LPP: variants seen among roughly 807,000 people sequenced by gnomAD.
LPP encodes lipoma-preferred partner.
Under a neutral mutation model 60.4 loss-of-function variants are expected in LPP, and 38 were observed. The observed-to-expected ratio is 0.63, with a 90% confidence interval of 0.49 to 0.83. The LOEUF is 0.83. Ranked by LOEUF, LPP falls within the 40% of genes least tolerant of loss-of-function variation. LPP has a pLI of 0.00. For synonymous variants in LPP, 328 were observed against 290.8 expected, an observed-to-expected ratio of 1.13 and a Z score of -1.30; for missense variants, 902 against 783.6, an observed-to-expected ratio of 1.15 and a Z score of -1.80.
At chr3:188,163,865 C>T (rs770506725) in intron 1 of LPP, among the ~76,000 whole-genome samples, 9 of 150,610 alleles carry the variant, frequency 6.0e-5, no homozygotes, top group Non-Finnish European at 1.2e-4. Context: ...GCAGGAGAAT[C>T]GCTTGAACCC....
At chr3:188,825,724 C>G (rs1480668348) in intron 9 of LPP, among the ~76,000 whole-genome samples, 1 of 151,994 alleles carries the variant, frequency 6.6e-6, no homozygotes, top group Non-Finnish European at 1.5e-5. Context: ...AAAAGACATA[C>G]ACACACACAT....
At chr3:188,559,433 T>A (rs1830188135) in intron 6 of LPP, among the ~76,000 whole-genome samples, 1 of 152,098 alleles carries the variant, frequency 6.6e-6, no homozygotes, top group African/African-American at 2.4e-5. Context: ...ACTTTGCACA[T>A]TATGATAAGG....
At chr3:188,434,522 G>A (rs1226290221) in intron 4 of LPP, among the ~76,000 whole-genome samples, 1 of 152,134 alleles carries the variant, frequency 6.6e-6, no homozygotes, top group East Asian at 1.9e-4. Flanking sequence ...TTCAGTCTTG[G>A]TGAAGAGTCT....
intron 9 of LPP, among the ~76,000 whole-genome samples, chr3:188,790,424 C>A (rs1026794484): frequency 5.3e-5 from 8 of 151,920 alleles, no homozygotes; most frequent in Non-Finnish European, 1.2e-4. Context: ...ATTACCCAAT[C>A]TTTTAGTGAT....
intron 5 of LPP, among the ~76,000 whole-genome samples, chr3:188,506,325 A>C (rs1470480079): frequency 1.3e-5 from 2 of 152,204 alleles, no homozygotes; most frequent in Non-Finnish European, 2.9e-5. Flanking sequence ...GATAATGTAG[A>C]GTATCCAACA....
chr3:188,713,594 G>A (rs899699213), intron 8 of LPP, among the ~76,000 whole-genome samples: 1 of 152,126 alleles, frequency 6.6e-6, no homozygotes, highest in African/African-American at 2.4e-5. Flanking sequence ...AATATTGATA[G>A]AGTGACAGAA....
At chr3:188,847,743 C>T (rs1761801452) in intron 9 of LPP, among the ~76,000 whole-genome samples, 2 of 152,084 alleles carry the variant, frequency 1.3e-5, no homozygotes, top group Admixed American at 1.3e-4. Flanking sequence ...ATTTGAAATG[C>T]CTAGAGTGGG....
intron 7 of LPP, among the ~76,000 whole-genome samples, chr3:188,624,696 CTTCCTTCCT>C: frequency 6.8e-6 from 1 of 147,560 alleles, no homozygotes; most frequent in Non-Finnish European, 1.5e-5. Flanking sequence ...CTTCCCTTCC[CTTCCTTCCT>C]TTTCCCTTTC....
intron 3 of LPP, among the ~76,000 whole-genome samples, chr3:188,399,997 A>G (rs539385101): frequency 6.6e-6 from 1 of 151,996 alleles, no homozygotes; most frequent in Non-Finnish European, 1.5e-5. Context: ...TTTCCCACCT[A>G]CGTGGGGCGG....
At chr3:188,209,377 C>A (rs6808321) in intron 1 of LPP, among the ~76,000 whole-genome samples, 60,140 of 152,046 alleles carry the variant, frequency 0.4, 13,953 homozygotes, top group African/African-American at 0.62. Flanking sequence ...TGGGCCTTGA[C>A]GGCGAACAGT....
chr3:188,305,902 C>T (rs1751381031), intron 2 of LPP, among the ~76,000 whole-genome samples: 1 of 151,644 alleles, frequency 6.6e-6, no homozygotes, highest in African/African-American at 2.4e-5. Context: ...AGTTTAATTA[C>T]ACTAAATATT....
chr3:188,727,274 A>G (rs1270756033), intron 8 of LPP, among the ~76,000 whole-genome samples: 2 of 152,116 alleles, frequency 1.3e-5, no homozygotes, highest in African/African-American at 4.8e-5. Context: ...AATACATGCA[A>G]ATTACTTACA....
intron 1 of LPP, among the ~76,000 whole-genome samples, chr3:188,203,504 T>TATATATTTAAATATATATAA (rs1731958438): frequency 4.1e-5 from 3 of 73,014 alleles, no homozygotes; most frequent in African/African-American, 1.5e-4. Context: ...TATATATAAA[T>TATATATTTAAATATATATAA]ATATATATTT....
intron 2 of LPP, among the ~76,000 whole-genome samples, chr3:188,248,542 G>C (rs910523706): frequency 7.1e-6 from 1 of 140,918 alleles, no homozygotes; most frequent in Admixed American, 7.3e-5. Context: ...TGAGGGTTTT[G>C]CTGCCTTCCC....
chr3:188,802,401 T>C (rs1747539559), intron 9 of LPP, among the ~76,000 whole-genome samples: 1 of 152,212 alleles, frequency 6.6e-6, no homozygotes, highest in South Asian at 2.1e-4. Flanking sequence ...GATGGTCAGG[T>C]TGAACTTTCT....
In LPP at chr3:188,511,442, A is replaced by G. The variant is rs528248956; in HGVS notation, c.307-13223A>G. The stretch of plus-strand genomic sequence containing the variant: ...TCCTAAATGGAGAAGTAGATGGCAA[A>G]AAAGGGTATTAGAGCTTGGCTTTTC... On this transcript the variant is annotated intron_variant, in intron 5 of 11. Transcript: ENST00000617246. Among the ~76,000 whole-genome samples the G allele has an allele frequency of 6.6e-5, 10 of 151,980 alleles. No homozygotes were observed. In the South Asian group the frequency reaches 2.1e-3, roughly 32 times the overall value.
intron 7 of LPP, among the ~76,000 whole-genome samples, chr3:188,650,058 A>T (rs1851797843): frequency 6.6e-6 from 1 of 152,198 alleles, no homozygotes; most frequent in Non-Finnish European, 1.5e-5. Flanking sequence ...ATTAGGATAG[A>T]TTTCTCACTT....
At chr3:188,753,874 A>G (rs922140908) in intron 8 of LPP, among the ~76,000 whole-genome samples, 2 of 151,992 alleles carry the variant, frequency 1.3e-5, no homozygotes, top group South Asian at 2.1e-4. Context: ...TACCTGTTGA[A>G]CCTTCAAGCC....
intron 2 of LPP, among the ~76,000 whole-genome samples, chr3:188,291,828 G>C (rs1348949441): frequency 1.3e-5 from 2 of 152,084 alleles, no homozygotes; most frequent in Non-Finnish European, 2.9e-5. Flanking sequence ...CTGTGGTTCA[G>C]AGAAGTGAAA....
Sources: gnomAD v4.1 joint callset for allele counts (sites outside exome capture counted in the v4.1 genomes callset) on GRCh38, gnomAD v4.1.1 for gene constraint, MANE v1.5 for transcripts, NCBI Gene and HGNC (gene_info 2026-07-23, HGNC 2026-07-21) for gene names.